The following CEP83 variants were observed in gnomAD, a reference collection of about 807,000 sequenced individuals.
CEP83 encodes centrosomal protein 83, also known as centrosomal protein of 83 kDa.
In CEP83, 70 loss-of-function variants were observed where a neutral mutation model predicts 101.9. The ratio of observed to expected loss-of-function variants is 0.69; its 90% CI spans 0.57 to 0.84. The LOEUF is 0.84. Ranked by LOEUF, CEP83 falls within the 40% of genes least tolerant of loss-of-function variation. CEP83 has a pLI of 0.00. For missense variants in CEP83, 715 were observed against 787.2 expected (o/e 0.91, Z 1.10); for synonymous variants, 264 against 267.9 (o/e 0.99, Z 0.14).
At chr12:94,410,039 G>A (rs974968456) in intron 4 of CEP83, among the ~76,000 whole-genome samples, 1 of 152,124 alleles carries the variant, frequency 6.6e-6, no homozygotes, top group Admixed American at 6.6e-5. Context: ...TAGATTCAAA[G>A]AAAAACTAGA....
intron 11 of CEP83, among the ~76,000 whole-genome samples, chr12:94,367,332 G>A (rs2061072830): frequency 6.6e-6 from 1 of 151,986 alleles, no homozygotes; most frequent in Non-Finnish European, 1.5e-5. Flanking sequence ...CCAGTTAAGG[G>A]GCCAAATCAT....
chr12:94,379,675 G>A (rs1479637528), intron 6 of CEP83, among the ~76,000 whole-genome samples: 3 of 152,224 alleles, frequency 2.0e-5, no homozygotes, highest in Admixed American at 6.5e-5. Context: ...AGACACCAGT[G>A]GTCTTGTCAT....
At chr12:94,325,763 T>C (rs987838666) in intron 14 of CEP83, among the ~76,000 whole-genome samples, 5 of 152,150 alleles carry the variant, frequency 3.3e-5, no homozygotes, top group African/African-American at 9.7e-5. Context: ...AGAGGCATCA[T>C]AAAGGAAGAA....
chr12:94,282,462 T>G, the CEP83 span: 1 of 1,130,070 alleles, frequency 8.8e-7, no homozygotes, highest in Non-Finnish European at 1.3e-6. Flanking sequence ...CCCATGGACA[T>G]TCTTTTAAAA....
the CEP83 span, among the ~76,000 whole-genome samples, chr12:94,272,643 C>T: frequency 1.3e-5 from 2 of 152,224 alleles, no homozygotes; most frequent in Non-Finnish European, 1.5e-5. Context: ...TGGTGGCTCA[C>T]ACCTGTAATC....
chr12:94,332,215 T>A (rs1461755152), intron 13 of CEP83, among the ~76,000 whole-genome samples: 1 of 152,170 alleles, frequency 6.6e-6, no homozygotes, highest in Non-Finnish European at 1.5e-5. Flanking sequence ...ACTACAAATA[T>A]CTGTCCTCAT....
chr12:94,355,069 T>C (rs890951212), intron 11 of CEP83, among the ~76,000 whole-genome samples: 8 of 151,136 alleles, frequency 5.3e-5, no homozygotes, highest in Non-Finnish European at 1.0e-4. Context: ...AAATGCAACA[T>C]ACCCAAAACC....
At chr12:94,320,543 C>A (rs1238280134) in intron 14 of CEP83, among the ~76,000 whole-genome samples, 2 of 151,688 alleles carry the variant, frequency 1.3e-5, no homozygotes, top group Non-Finnish European at 2.9e-5. Flanking sequence ...ATTTAGTGTT[C>A]CTGTCAAGAT....
chr12:94,405,829 A>C (rs918951761), intron 4 of CEP83, among the ~76,000 whole-genome samples: 1 of 152,200 alleles, frequency 6.6e-6, no homozygotes, highest in African/African-American at 2.4e-5. Context: ...TGGGGTGGTT[A>C]GAGTCCTAAG....
chr12:94,426,216 G>A (rs746603018), intron 2 of CEP83, among the ~76,000 whole-genome samples: 5 of 151,526 alleles, frequency 3.3e-5, no homozygotes, highest in Non-Finnish European at 5.9e-5. Context: ...GTTTTCTACC[G>A]CCATGGCTTT....
intron 11 of CEP83, among the ~76,000 whole-genome samples, chr12:94,348,673 A>G (rs911411656): frequency 1.3e-5 from 2 of 152,114 alleles, no homozygotes; most frequent in South Asian, 2.1e-4. Context: ...GGTCTGATCT[A>G]CTACAGCTTT....
chr12:94,298,337 C>A, the CEP83 span, among the ~76,000 whole-genome samples: 1 of 152,174 alleles, frequency 6.6e-6, no homozygotes, highest in Non-Finnish European at 1.5e-5. Flanking sequence ...ATGTAAACAG[C>A]CCTACAACTG....
intron 2 of CEP83, chr12:94,424,737 G>A: frequency 6.2e-7 from 1 of 1,611,098 alleles, no homozygotes; most frequent in Non-Finnish European, 8.5e-7. Flanking sequence ...TTGCCATATG[G>A]CTGACACAGC....
chr12:94,398,321 C>T (rs2063027245), intron 6 of CEP83, among the ~76,000 whole-genome samples: 1 of 152,154 alleles, frequency 6.6e-6, no homozygotes, highest in Non-Finnish European at 1.5e-5. Context: ...TGGCTGCTGA[C>T]ATTCTCTGAG....
intron 2 of CEP83, among the ~76,000 whole-genome samples, chr12:94,419,171 T>C (rs2064520381): frequency 6.6e-6 from 1 of 152,066 alleles, no homozygotes; most frequent in African/African-American, 2.4e-5. Flanking sequence ...TAGAGCAATA[T>C]ACAAAAATTA....
In CEP83 at chr12:94,310,077, C is replaced by A; in HGVS notation, c.1842G>T (p.Arg614Ser). The change falls in exon 16 of 17, where the codon AGG (arginine) becomes AGT (serine). Residue 614 changes from arginine (R) to serine (S), a missense_variant. Physicochemically the swap from Arg to Ser is moderately radical, Grantham distance 110. Transcript: ENST00000397809. ...GTATATCTTTTAGTCTTTTTTGAAG[C>A]CTTGTATAGTCTTCAAAAGGAACAT... ...RQNVPFEDYT[R>S]LQKRLKDIQR... The A allele has an allele frequency of 1.3e-6, 2 of 1,587,340 alleles. No individual in the cohort carries two copies. The highest frequency in any genetic ancestry group is 1.7e-6 in the Non-Finnish European group (2 of 1,161,036).
At chr12:94,357,387 C>T (rs980278339) in intron 11 of CEP83, among the ~76,000 whole-genome samples, 1 of 152,002 alleles carries the variant, frequency 6.6e-6, no homozygotes, top group Non-Finnish European at 1.5e-5. Flanking sequence ...GTCAGGCCAC[C>T]AGATAGGGGA....
intron 2 of CEP83, among the ~76,000 whole-genome samples, chr12:94,431,851 C>A (rs2065650805): frequency 6.6e-6 from 1 of 152,184 alleles, no homozygotes; most frequent in African/African-American, 2.4e-5. Flanking sequence ...TAAATTAGTA[C>A]AGCTACTATG....
the CEP83 span, among the ~76,000 whole-genome samples, chr12:94,296,145 T>G: frequency 6.6e-6 from 1 of 152,118 alleles, no homozygotes; most frequent in East Asian, 1.9e-4. Flanking sequence ...TCCATTAGCA[T>G]TTCAAGATGT....
Sources: gnomAD v4.1 joint callset for allele counts (sites outside exome capture counted in the v4.1 genomes callset) on GRCh38, gnomAD v4.1.1 for gene constraint, MANE v1.5 for transcripts, NCBI Gene and HGNC (gene_info 2026-07-23, HGNC 2026-07-21) for gene names.